The following ASTN2 variants were observed in gnomAD, a reference collection of about 807,000 sequenced individuals.
The protein encoded by ASTN2 is astrotactin 2, also known as astrotactin-2.
ASTN2 carries 54 observed loss-of-function variants against 139.8 expected under a neutral mutation model. The observed-to-expected ratio is 0.39, with a 90% CI of 0.31 to 0.48. The LOEUF is 0.48. Ranked by LOEUF, ASTN2 falls within the 20% of genes least tolerant of loss-of-function variation. The pLI is 0.95. For missense variants in ASTN2, 1,565 were observed against 1,725.1 expected (o/e 0.91, Z 1.64); for synonymous variants, 756 against 719.5 (o/e 1.05, Z -0.81).
At chr9:116,550,945 C>T (rs1011431597) in intron 19 of ASTN2, 1 of 152,222 alleles carries the variant, frequency 6.6e-6, no homozygotes, top group Non-Finnish European at 1.5e-5. Flanking sequence ...TAAAGGAAGC[C>T]GCATGTACTC....
At chr9:116,754,055 C>G (rs1271912919) in intron 13 of ASTN2, among the ~76,000 whole-genome samples, 2 of 147,126 alleles carry the variant, frequency 1.4e-5, no homozygotes, top group East Asian at 4.2e-4. Context: ...AGTGAGAACA[C>G]GCGGTGTTTG....
chr9:116,872,127 C>A (rs1194277258), intron 10 of ASTN2, among the ~76,000 whole-genome samples: 2 of 152,086 alleles, frequency 1.3e-5, no homozygotes, highest in African/African-American at 4.8e-5. Flanking sequence ...CCATGCCAGA[C>A]TAATTTTTGT....
chr9:116,774,760 C>T (rs1830037778), intron 13 of ASTN2, among the ~76,000 whole-genome samples: 2 of 152,144 alleles, frequency 1.3e-5, no homozygotes, highest in Admixed American at 1.3e-4. Flanking sequence ...TGTCCTCCTG[C>T]TAATCTCCCA....
At chr9:117,224,433 C>T (rs1021911550) in intron 2 of ASTN2, among the ~76,000 whole-genome samples, 12 of 151,888 alleles carry the variant, frequency 7.9e-5, no homozygotes, top group African/African-American at 2.9e-4. Flanking sequence ...GAAACCACTA[C>T]TTCCCCTCCA....
chr9:117,064,759 T>A (rs1393647800), intron 5 of ASTN2, among the ~76,000 whole-genome samples: 2 of 151,774 alleles, frequency 1.3e-5, no homozygotes, highest in South Asian at 4.2e-4. Flanking sequence ...AATCTATCCA[T>A]GTCATAAAAC....
intron 10 of ASTN2, among the ~76,000 whole-genome samples, chr9:116,877,153 C>T (rs1833324732): frequency 6.6e-6 from 1 of 152,180 alleles, no homozygotes; most frequent in Non-Finnish European, 1.5e-5. Context: ...TGCGGTCTAA[C>T]CCCAGCCAAT....
At chr9:117,382,291 T>G (rs935922110) in intron 1 of ASTN2, among the ~76,000 whole-genome samples, 1 of 152,100 alleles carries the variant, frequency 6.6e-6, no homozygotes, top group Non-Finnish European at 1.5e-5. Context: ...AGGACTAGCA[T>G]TATTCTGAGT....
intron 3 of ASTN2, among the ~76,000 whole-genome samples, chr9:117,207,304 C>T (rs1328814210): frequency 1.3e-5 from 2 of 152,140 alleles, no homozygotes; most frequent in African/African-American, 4.8e-5. Flanking sequence ...CCAAACCAGC[C>T]AAGCAACTGT....
At chr9:117,164,020 C>T (rs774016513) in intron 3 of ASTN2, among the ~76,000 whole-genome samples, 4 of 152,028 alleles carry the variant, frequency 2.6e-5, no homozygotes, top group Non-Finnish European at 5.9e-5. Flanking sequence ...TCATTTTCAC[C>T]ATCAGTTTCA....
chr9:116,530,334 T>C (rs1409265529), intron 19 of ASTN2, among the ~76,000 whole-genome samples: 1 of 151,406 alleles, frequency 6.6e-6, no homozygotes, highest in Admixed American at 6.6e-5. Context: ...GGTTACTACA[T>C]GTTACCACTT....
At chr9:116,891,619 G>A (rs1217279481) in intron 10 of ASTN2, among the ~76,000 whole-genome samples, 1 of 152,232 alleles carries the variant, frequency 6.6e-6, no homozygotes, top group African/African-American at 2.4e-5. Context: ...CAGGCTCTAT[G>A]ACAATGGGCT....
rs1045285016 is a variant in ASTN2, at chr9:117,269,780, T to G, written c.630+21546A>C. ...ACTGAGGTTTAGCAGATATGAATAG[T>G]TTTTCCAAGGTTGCATAGCTAGTGA... On this transcript the variant is annotated intron_variant, in intron 2 of 22. Coordinates refer to ENST00000313400, the MANE Select transcript of ASTN2 (RefSeq NM_001365068.1). Among the ~76,000 whole-genome samples the G allele has an allele frequency of 3.3e-5, 5 of 152,314 alleles. No homozygotes were observed. The East Asian group carries it at 7.7e-4, about 24-fold the overall frequency.
intron 3 of ASTN2, among the ~76,000 whole-genome samples, chr9:117,175,513 T>C (rs1010484544): frequency 6.6e-6 from 1 of 151,700 alleles, no homozygotes; most frequent in African/African-American, 2.4e-5. Flanking sequence ...AATGAGGGAG[T>C]CCTGCCCTTT....
intron 2 of ASTN2, among the ~76,000 whole-genome samples, chr9:117,277,583 A>C (rs923378257): frequency 8.5e-5 from 13 of 152,186 alleles, no homozygotes; most frequent in Non-Finnish European, 2.9e-5. Context: ...GGTAATTCTT[A>C]TGTAGGAAGA....
intron 13 of ASTN2, 46 bp downstream of exon 13, chr9:116,805,582 GTTGT>G: frequency 6.4e-7 from 1 of 1,564,560 alleles, no homozygotes. Context: ...CTGTGCCCAG[GTTGT>G]TTGTCAGTGA....
intron 4 of ASTN2, among the ~76,000 whole-genome samples, chr9:117,132,629 G>C (rs1829853100): frequency 6.6e-6 from 1 of 152,130 alleles, no homozygotes; most frequent in South Asian, 2.1e-4. Flanking sequence ...AGACACATCA[G>C]GGAAGATTTA....
chr9:117,219,444 T>C (rs1832442156), intron 2 of ASTN2, among the ~76,000 whole-genome samples: 2 of 152,222 alleles, frequency 1.3e-5, no homozygotes, highest in South Asian at 2.1e-4. Flanking sequence ...TGTGAATTTT[T>C]AGAAAGCAAG....
rs1013230776 is a variant in ASTN2, at chr9:117,140,453, T to C, written c.1168+873A>G. Among the ~76,000 whole-genome samples the C allele has an allele frequency of 1.9e-4, 28 of 151,126 alleles. 1 individual carries two copies. Among genetic ancestry groups the C allele is most frequent in the Admixed American group, 9.9e-4 (15 of 15,154 alleles). On this transcript the variant is annotated intron_variant, in intron 4 of 22. Coordinates refer to ENST00000313400, the MANE Select transcript of ASTN2 (RefSeq NM_001365068.1). The stretch of plus-strand genomic sequence containing the variant: ...ACTCAGCTAGAGACTACTGAGTAGA[T>C]AGAAAAAAAAATGGTTTGGAAATTA...
chr9:117,054,798 G>A (rs1247722898), intron 5 of ASTN2, among the ~76,000 whole-genome samples: 1 of 152,204 alleles, frequency 6.6e-6, no homozygotes, highest in Non-Finnish European at 1.5e-5. Flanking sequence ...TCCTAGATCA[G>A]TGGTCCCCAA....
Sources: gnomAD v4.1 joint callset for allele counts (sites outside exome capture counted in the v4.1 genomes callset) on GRCh38, gnomAD v4.1.1 for gene constraint, MANE v1.5 for transcripts, NCBI Gene and HGNC (gene_info 2026-07-23, HGNC 2026-07-21) for gene names.